Variants in SORCS3 observed in about 807,000 individuals in gnomAD.
The protein encoded by SORCS3 is VPS10 domain-containing receptor SorCS3.
SORCS3 carries 57 observed loss-of-function variants against 146.3 expected under a neutral mutation model. That is an observed-to-expected ratio of 0.39 (90% CI 0.31 to 0.49). The LOEUF (loss-of-function observed/expected upper bound fraction) is 0.49, where lower values mean the gene tolerates loss of function less well. Among genes scored for constraint, SORCS3 ranks in the 20% least tolerant of loss-of-function variants. The pLI is 0.92. For synonymous variants in SORCS3, 653 were observed against 618.5 expected, an observed-to-expected ratio of 1.06 and a Z score of -0.83; for missense variants, 1,341 against 1,575.5, an observed-to-expected ratio of 0.85 and a Z score of 2.52.
At chr10:104,811,405 C>A (rs1425271356) in intron 1 of SORCS3, among the ~76,000 whole-genome samples, 1 of 152,212 alleles carries the variant, frequency 6.6e-6, no homozygotes, top group Non-Finnish European at 1.5e-5. Flanking sequence ...CATGAAGGAA[C>A]ACAGTGCTTT....
rs547888453 is a variant in SORCS3, at chr10:105,172,897, C to A, written c.1902-5169C>A. On this transcript the variant is annotated intron_variant, in intron 13 of 26. Coordinates refer to ENST00000369701, the MANE Select transcript of SORCS3 (RefSeq NM_014978.3). ...TTAACTTGTAGTTGACAAATGACTC[C>A]AGTTTCTTTCCAGCTTTATATATTT... 4.6e-5 allele frequency among the ~76,000 whole-genome samples: 7 copies of A among 152,180 alleles called. No homozygotes were observed. In the South Asian group the frequency reaches 1.5e-3, roughly 32 times the overall value.
At chr10:104,772,688 C>G (rs1356662758) in intron 1 of SORCS3, among the ~76,000 whole-genome samples, 1 of 152,196 alleles carries the variant, frequency 6.6e-6, no homozygotes, top group Non-Finnish European at 1.5e-5. Flanking sequence ...CATCACAGTA[C>G]CTTTGTTCTC....
intron 12 of SORCS3, among the ~76,000 whole-genome samples, chr10:105,165,044 C>T (rs182486673): frequency 4.6e-5 from 7 of 152,216 alleles, no homozygotes; most frequent in African/African-American, 1.7e-4. Context: ...GTCAGAGGAA[C>T]TTAACTTTTA....
At chr10:104,876,417 A>G (rs1252682217) in intron 2 of SORCS3, among the ~76,000 whole-genome samples, 1 of 152,192 alleles carries the variant, frequency 6.6e-6, no homozygotes, top group Non-Finnish European at 1.5e-5. Context: ...CACTCTTCAC[A>G]TTAATCTGTA....
At chr10:104,913,215 C>T (rs1165343197) in intron 2 of SORCS3, among the ~76,000 whole-genome samples, 2 of 151,954 alleles carry the variant, frequency 1.3e-5, no homozygotes, top group African/African-American at 2.4e-5. Context: ...AGCCTGGTAA[C>T]AGCATGGAGG....
intron 16 of SORCS3, among the ~76,000 whole-genome samples, chr10:105,210,687 A>T (rs2056628224): frequency 6.6e-6 from 1 of 152,124 alleles, no homozygotes; most frequent in South Asian, 2.1e-4. Context: ...GTTTTATCTC[A>T]TCAGGAAAAG....
intron 4 of SORCS3, among the ~76,000 whole-genome samples, chr10:105,015,240 G>A (rs897423628): frequency 6.6e-6 from 1 of 152,136 alleles, no homozygotes; most frequent in Non-Finnish European, 1.5e-5. Context: ...AGCCAAATAA[G>A]TGTAAATTCT....
At chr10:105,155,646 G>A (rs1197113543) in intron 9 of SORCS3, among the ~76,000 whole-genome samples, 1 of 152,232 alleles carries the variant, frequency 6.6e-6, no homozygotes, top group Non-Finnish European at 1.5e-5. Context: ...ATAGTCCCTA[G>A]ATGAGCATTT....
chr10:105,063,731 T>A (rs1003749975), intron 5 of SORCS3, among the ~76,000 whole-genome samples: 3 of 152,202 alleles, frequency 2.0e-5, no homozygotes, highest in African/African-American at 7.2e-5. Context: ...ACTGTGGGGA[T>A]GCTGAATAGA....
intron 4 of SORCS3, among the ~76,000 whole-genome samples, chr10:105,016,155 A>ATATATATATATTTT (rs71482443): frequency 3.0e-5 from 3 of 101,344 alleles, no homozygotes; most frequent in African/African-American, 1.5e-4. Context: ...ATATATATAT[A>ATATATATATATTTT]TTTTTTTTTT....
chr10:105,138,662 A>G (rs1422773973), intron 7 of SORCS3, among the ~76,000 whole-genome samples: 2 of 152,228 alleles, frequency 1.3e-5, no homozygotes, highest in Non-Finnish European at 2.9e-5. Context: ...CCCTGGCCAG[A>G]GGACCATTTC....
At chr10:105,237,983 T>C (rs934818649) in intron 20 of SORCS3, among the ~76,000 whole-genome samples, 2 of 152,212 alleles carry the variant, frequency 1.3e-5, no homozygotes, top group South Asian at 4.1e-4. Context: ...ATCAGACTTT[T>C]GCTCGTTGAT....
In SORCS3 at chr10:104,708,637, T is replaced by C. The variant is rs181334641; in HGVS notation, c.627+66683T>C. Among the ~76,000 whole-genome samples the C allele has an allele frequency of 2.7e-3, 408 of 152,348 alleles. 1 individual carries two copies. The highest frequency in any genetic ancestry group is 4.1e-3 in the Non-Finnish European group (278 of 68,042). On this transcript the variant is annotated intron_variant, in intron 1 of 26. Coordinates refer to ENST00000369701, the MANE Select transcript of SORCS3 (RefSeq NM_014978.3). ...AGTTGGGTCATAAATCCTGTTTTTC[T>C]GTAAATCTCCCAAAACTTGCTAGCT...
chr10:104,751,014 G>A (rs1447681207), intron 1 of SORCS3, among the ~76,000 whole-genome samples: 1 of 143,574 alleles, frequency 7.0e-6, no homozygotes, highest in East Asian at 2.0e-4. Flanking sequence ...GGTACATAAT[G>A]AGATATGGAC....
At chr10:105,189,063 A>C (rs1398324859) in intron 14 of SORCS3, among the ~76,000 whole-genome samples, 1 of 152,242 alleles carries the variant, frequency 6.6e-6, no homozygotes, top group African/African-American at 2.4e-5. Context: ...AGTTGATTAC[A>C]GTTCATTTAT....
chr10:104,765,095 A>T (rs1052099246), intron 1 of SORCS3, among the ~76,000 whole-genome samples: 7 of 152,038 alleles, frequency 4.6e-5, no homozygotes, highest in Non-Finnish European at 5.9e-5. Flanking sequence ...AAGCTCTGAG[A>T]CCTCTTTTTA....
chr10:105,171,539 T>C (rs2056359938), intron 13 of SORCS3, among the ~76,000 whole-genome samples: 1 of 152,218 alleles, frequency 6.6e-6, no homozygotes, highest in Non-Finnish European at 1.5e-5. Flanking sequence ...CCTGGCCTTT[T>C]GTGTTTCTTT....
chr10:104,939,446 A>C (rs2019289894), intron 3 of SORCS3, among the ~76,000 whole-genome samples: 1 of 152,146 alleles, frequency 6.6e-6, no homozygotes, highest in Non-Finnish European at 1.5e-5. Flanking sequence ...ATAACCCACA[A>C]AATGTCCGAT....
chr10:104,685,624 C>G (rs1332869913), intron 1 of SORCS3, among the ~76,000 whole-genome samples: 1 of 152,220 alleles, frequency 6.6e-6, no homozygotes, highest in African/African-American at 2.4e-5. Flanking sequence ...AGCCTAAGCC[C>G]TGGCCCACCT....
Sources: allele counts gnomAD v4.1 joint callset (sites outside exome capture counted in the v4.1 genomes callset), GRCh38; gene constraint gnomAD v4.1.1; transcripts MANE v1.5; gene names NCBI Gene and HGNC (gene_info 2026-07-23, HGNC 2026-07-21).